The following RTTN variants were observed in gnomAD, a reference collection of about 807,000 sequenced individuals.
RTTN encodes rotatin.
In RTTN, 182 loss-of-function variants were observed where a neutral mutation model predicts 269.2. That is an observed-to-expected ratio of 0.68 (90% CI 0.60 to 0.76). The LOEUF (loss-of-function observed/expected upper bound fraction) is 0.76. Among genes scored for constraint, RTTN ranks in the 30% least tolerant of loss-of-function variants. RTTN has a pLI of 0.00. For synonymous variants in RTTN, 1,006 were observed against 963.5 expected (o/e 1.04, Z -0.82); for missense variants, 2,545 against 2,608.6 (o/e 0.98, Z 0.53).
rs183389870 is a variant in RTTN, at chr18:70,173,386, G to A, written c.1476+3289C>T. Among the ~76,000 whole-genome samples, 109 of 151,726 alleles carry A rather than the reference G, an allele frequency of 7.2e-4. 1 individual carries two copies. In the East Asian group the frequency reaches 0.017, roughly 23 times the overall value. On this transcript the variant is annotated intron_variant, in intron 11 of 48. Transcript: ENST00000640769. Reference sequence around the variant, plus strand: ...GGCACACCTGCAATCCCAGCTACTCGGGAGGCTGAGGCAGGAGAATGGCTT... The same window carrying A: ...GGCACACCTGCAATCCCAGCTACTCAGGAGGCTGAGGCAGGAGAATGGCTT...
At chr18:70,201,102 C>T (rs557581033) in intron 4 of RTTN, among the ~76,000 whole-genome samples, 1 of 152,134 alleles carries the variant, frequency 6.6e-6, no homozygotes, top group Admixed American at 6.5e-5. Context: ...CTGAACACAG[C>T]CAGATACAAA....
At chr18:70,202,614 T>C (rs985739886) in intron 3 of RTTN, among the ~76,000 whole-genome samples, 3 of 152,342 alleles carry the variant, frequency 2.0e-5, no homozygotes, top group South Asian at 2.1e-4. Flanking sequence ...AGACTCTACT[T>C]TATTTGTGAT....
At chr18:70,172,567 TAC>T (rs1408850558) in intron 11 of RTTN, among the ~76,000 whole-genome samples, 5 of 152,160 alleles carry the variant, frequency 3.3e-5, no homozygotes, top group African/African-American at 4.8e-5. Flanking sequence ...ATACCTTAAT[TAC>T]AATCTCCCAC....
chr18:70,092,351 T>A lies in RTTN; in HGVS notation c.4033-131A>T, dbSNP rs1175467962. On this transcript the variant is annotated intron_variant, in intron 29 of 48. Coordinates refer to ENST00000640769, the MANE Select transcript of RTTN (RefSeq NM_173630.4). ...TTTAGACTTGGTTTTAATCCATTAT[T>A]CAGCCAAAAAAGGCAAACAAAAAAA... The A allele has an allele frequency of 1.3e-5, 9 of 683,900 alleles. No individual in the cohort carries two copies. In the Middle Eastern group the frequency reaches 1.4e-3, roughly 105 times the overall value. The allele number at this position is 683,900 out of a possible 1,614,324, so 42.4% of individuals were successfully genotyped here.
At chr18:70,143,581 A>G (rs1207914041) in intron 18 of RTTN, among the ~76,000 whole-genome samples, 1 of 152,102 alleles carries the variant, frequency 6.6e-6, no homozygotes, top group African/African-American at 2.4e-5. Context: ...AACAACGGAC[A>G]CTGGGGCCTG....
intron 10 of RTTN, among the ~76,000 whole-genome samples, chr18:70,182,801 TATCAA>T (rs1261274723): frequency 6.6e-6 from 1 of 152,194 alleles, no homozygotes; most frequent in Non-Finnish European, 1.5e-5. Context: ...AAATATTACT[TATCAA>T]AACACTTCTT....
intron 12 of RTTN, 63 bp from the exon 13 acceptor site, chr18:70,167,094 C>T (rs1218442373): frequency 1.9e-6 from 2 of 1,041,160 alleles, no homozygotes; most frequent in African/African-American, 3.2e-5. Flanking sequence ...TTCTCAACAG[C>T]TAACTAAGCA....
chr18:70,118,951 T>C (rs971588266), intron 26 of RTTN, among the ~76,000 whole-genome samples: 2 of 152,094 alleles, frequency 1.3e-5, no homozygotes, highest in Non-Finnish European at 2.9e-5. Flanking sequence ...AAAGGCCATA[T>C]ATGAAAAACC....
intron 11 of RTTN, among the ~76,000 whole-genome samples, chr18:70,176,224 T>G (rs191769033): frequency 2.1e-5 from 3 of 145,458 alleles, no homozygotes; most frequent in African/African-American, 5.6e-5. Context: ...TGTATATGTA[T>G]ATGTATATGT....
At chr18:70,014,774 A>T (rs1369725364) in intron 46 of RTTN, among the ~76,000 whole-genome samples, 1 of 152,132 alleles carries the variant, frequency 6.6e-6, no homozygotes, top group Admixed American at 6.5e-5. Context: ...GTCCAGCTTA[A>T]TACAAGCAGG....
chr18:70,015,910 T>C (rs2056524595), intron 46 of RTTN, among the ~76,000 whole-genome samples: 1 of 152,084 alleles, frequency 6.6e-6, no homozygotes. Flanking sequence ...CCAAGAATGG[T>C]CACAAACACT....
chr18:70,021,205 C>T (rs556219287), intron 44 of RTTN: 205 of 157,744 alleles, frequency 1.3e-3, no homozygotes, highest in African/African-American at 4.4e-3. Context: ...ACATAATATC[C>T]CTGGGAAAGC....
rs143192004 is a variant in RTTN at position 70,011,479 on chromosome 18, C to T, written c.6422-4995G>A. Among the ~76,000 whole-genome samples the T allele has an allele frequency of 3.5e-4, 54 of 152,204 alleles. No homozygotes were observed. The East Asian group carries it at 8.7e-3, about 25-fold the overall frequency. ...TAATCTATCACATAAACAGAGCCAA[C>T]GACAAAAACCACATGATTATCTCAA... is the stretch of plus-strand genomic sequence containing the variant. On this transcript the variant is annotated intron_variant, in intron 46 of 48. Coordinates refer to ENST00000640769, the MANE Select transcript of RTTN (RefSeq NM_173630.4).
At chr18:70,204,336 A>C (rs2062025436) in intron 2 of RTTN, 73 bp from the exon 3 acceptor site, 16 of 1,411,218 alleles carry the variant, frequency 1.1e-5, no homozygotes, top group Non-Finnish European at 1.5e-5. Flanking sequence ...TCAAAACATA[A>C]AATTATTTTT....
At position 70,059,836 on chromosome 18, in the gene RTTN, T is replaced by G. The variant is rs1417705295; in HGVS notation, c.4940+14A>C. On this transcript the variant is annotated intron_variant, in intron 36 of 48. Transcript: ENST00000640769. ...CTCAACTAACATGCCTCTCTAGGAG[T>G]ATTTATCTCTTACCTACAGAGAAGT... is the stretch of plus-strand genomic sequence containing the variant. 6.5e-7 allele frequency: 1 copy of G among 1,546,234 alleles called. No homozygotes were observed. Among genetic ancestry groups the G allele is most frequent in the East Asian group, 2.3e-5 (1 of 44,356 alleles).
intron 21 of RTTN, among the ~76,000 whole-genome samples, chr18:70,136,788 CCAACACTGAATG>C (rs150781356): frequency 0.038 from 5,713 of 152,090 alleles, 196 homozygotes; most frequent in African/African-American, 0.089. Flanking sequence ...CCTAGGAATT[CCAACACTGAATG>C]CACAAAGATG....
chr18:70,029,922 C>T, intron 42 of RTTN, 90 bp downstream of exon 42: 1 of 832,728 alleles, frequency 1.2e-6, no homozygotes, highest in African/African-American at 1.7e-5. Flanking sequence ...CTAAATGAGA[C>T]ACTCATTTCA....
In RTTN at chr18:70,004,107, C is replaced by T; in HGVS notation, c.*44G>A. The T allele has an allele frequency of 6.8e-7, 1 of 1,468,108 alleles. No homozygotes were observed. Among genetic ancestry groups the T allele is most frequent in the Admixed American group, 1.7e-5 (1 of 59,752 alleles). The allele number at this position is 1,468,108 out of a possible 1,614,324, so 90.9% of individuals were successfully genotyped here. A position where few individuals can be genotyped will look rare whatever the true frequency, so the allele number is the denominator to read the frequency against. ...CACAGCTGGCTTCAACTTTAGCTCC[C>T]CTGTTGATGACTGTCAGCTTCAAGG... On this transcript the variant is annotated 3_prime_UTR_variant, in exon 49 of 49. Transcript: ENST00000640769.
At position 70,023,706 on chromosome 18, in the gene RTTN, A is replaced by G. The variant is rs576748317; in HGVS notation, c.5950+1016T>C. The stretch of plus-strand genomic sequence containing the variant: ...TACCACTCAAGCCCAAGCCACCATT[A>G]TATCTCCATGACAAGTCTCCCTGCT... On this transcript the variant is annotated intron_variant, in intron 44 of 48. Coordinates refer to ENST00000640769, the MANE Select transcript of RTTN (RefSeq NM_173630.4). 2.0e-5 allele frequency among the ~76,000 whole-genome samples: 3 copies of G among 152,116 alleles called. No individual in the cohort carries two copies. The East Asian group carries it at 5.8e-4, about 29-fold the overall frequency.
Sources: gnomAD v4.1 joint callset for allele counts (sites outside exome capture counted in the v4.1 genomes callset) on GRCh38, gnomAD v4.1.1 for gene constraint, MANE v1.5 for transcripts, NCBI Gene and HGNC (gene_info 2026-07-23, HGNC 2026-07-21) for gene names.